Variants in TAF5 observed in about 807,000 individuals in gnomAD.
The protein encoded by TAF5 is TATA-box binding protein associated factor 5.
Under a neutral mutation model 80.9 loss-of-function variants are expected in TAF5, and 20 were observed. The observed-to-expected ratio is 0.25, with a 90% CI of 0.17 to 0.36. TAF5 has a LOEUF of 0.36. Ranked by LOEUF, TAF5 falls within the 10% of genes least tolerant of loss-of-function variation. The probability of loss-of-function intolerance (pLI) is 1.00; values close to 1 mark genes in which losing one functional copy is unlikely to be tolerated. For synonymous variants in TAF5, 388 were observed against 406.4 expected (o/e 0.95, Z 0.55); for missense variants, 863 against 1,029.4 (o/e 0.84, Z 2.21).
chr10:103,373,614 A>G lies in TAF5; in HGVS notation c.797+19A>G, dbSNP rs776607711. 1.9e-5 allele frequency: 29 copies of G among 1,548,178 alleles called. No homozygotes were observed. The highest frequency in any genetic ancestry group is 2.5e-5 in the Non-Finnish European group (28 of 1,124,916). On this transcript the variant is annotated intron_variant, in intron 2 of 10. Transcript: ENST00000369839. The stretch of plus-strand genomic sequence containing the variant: ...TTGAGAAGTATGTAAATTTTTACAT[A>G]TATATATATACACACATACGTAGTG...
At chr10:103,382,469 C>A (rs1192982499) in intron 6 of TAF5, among the ~76,000 whole-genome samples, 1 of 151,786 alleles carries the variant, frequency 6.6e-6, no homozygotes, top group East Asian at 2.0e-4. Context: ...AAGTGATCCG[C>A]CTGTCTGGCC....
chr10:103,378,561 G>T lies in TAF5; in HGVS notation c.1113+11G>T. ...GCAAACAAATCAAAGGTATGGGAAT[G>T]AACCTAAGAACTCTATAATGCAGAT... On this transcript the variant is annotated intron_variant, in intron 3 of 10. Transcript: ENST00000369839. The surrounding 1 kb of genome is among the most constrained non-coding windows in gnomAD (Gnocchi z 4.1). 6.2e-7 allele frequency: 1 copy of T among 1,602,842 alleles called. No individual in the cohort carries two copies. The highest frequency in any genetic ancestry group is 1.1e-5 in the South Asian group (1 of 89,474).
chr10:103,387,081 ATGTGGATGTTTCT>A, intron 8 of TAF5, 81 bp from the exon 9 acceptor site: 1 of 1,284,280 alleles, frequency 7.8e-7, no homozygotes, highest in Non-Finnish European at 1.1e-6. Flanking sequence ...CTAACTTTTT[ATGTGGATGTTTCT>A]GTATTTATTT....
intron 8 of TAF5, among the ~76,000 whole-genome samples, chr10:103,386,915 G>A (rs1021840913): frequency 1.3e-5 from 2 of 151,350 alleles, no homozygotes; most frequent in South Asian, 2.1e-4. Context: ...TGCATGCCTC[G>A]GCCTCCCAAA....
Position 103,380,031 on chromosome 10 carries a change from A to T in TAF5, c.1413+12A>T, listed in dbSNP as rs370583001. ...TCAATGCTTACCAGGTTGGTAAAAA[A>T]ATTGGGCGATTTCTGCCTGGAGAGT... On this transcript the variant is annotated intron_variant, in intron 5 of 10. Coordinates refer to ENST00000369839, the MANE Select transcript of TAF5 (RefSeq NM_006951.5). The T allele has an allele frequency of 2.5e-6, 4 of 1,607,682 alleles. No homozygotes were observed. In the African/African-American group the frequency reaches 4.0e-5, roughly 16 times the overall value.
intron 1 of TAF5, among the ~76,000 whole-genome samples, chr10:103,369,570 G>A (rs1257468969): frequency 2.0e-5 from 3 of 151,574 alleles, no homozygotes; most frequent in Non-Finnish European, 2.9e-5. Context: ...TCGCCATATT[G>A]GTCAGGCTGG....
chr10:103,369,346 A>ATT (rs11427664), intron 1 of TAF5, among the ~76,000 whole-genome samples: 6 of 150,958 alleles, frequency 4.0e-5, no homozygotes, highest in South Asian at 2.1e-4. Context: ...TAAAAGTTGA[A>ATT]TTTTTTTTCT....
In TAF5 at chr10:103,378,661, CGTTT is replaced by C. The variant is rs1024873989; in HGVS notation, c.1113+120_1113+123del. 5.6e-5 allele frequency: 73 copies of C among 1,303,324 alleles called. No homozygotes were observed. The highest frequency in any genetic ancestry group is 4.8e-4 in the African/African-American group (32 of 67,196). The allele number at this position is 1,303,324 out of a possible 1,614,324, so 80.7% of individuals were successfully genotyped here. On this transcript the variant is annotated intron_variant, in intron 3 of 10. Coordinates refer to ENST00000369839, the MANE Select transcript of TAF5 (RefSeq NM_006951.5). This position sits in a 1 kb window ranked among gnomAD's most constrained non-coding sequence, Gnocchi z 4.1. ...TAGCTAGCTTGGAAACAATTTTTTTCGTTTGTTTGTTTTGAGACGGAGTTTTGCT... is the reference window on the plus strand; with the variant it reads ...TAGCTAGCTTGGAAACAATTTTTTTCGTTTGTTTTGAGACGGAGTTTTGCT...
Sources: allele counts gnomAD v4.1 joint callset (sites outside exome capture counted in the v4.1 genomes callset), GRCh38; gene constraint gnomAD v4.1.1; non-coding constraint Gnocchi (gnomAD v3.1); transcripts MANE v1.5; gene names NCBI Gene and HGNC (gene_info 2026-07-23, HGNC 2026-07-21).